The following KLF5 variants were observed in gnomAD, a reference collection of about 807,000 sequenced individuals.
The protein encoded by KLF5 is Krueppel-like factor 5.
In KLF5, 9 loss-of-function variants were observed where a neutral mutation model predicts 36.9. The observed-to-expected ratio is 0.24, with a 90% confidence interval of 0.15 to 0.43. The LOEUF is 0.43. KLF5 is among the 20% of genes least tolerant of loss of function. The probability of loss-of-function intolerance (pLI) is 1.00; values close to 1 mark genes in which losing one functional copy is unlikely to be tolerated. For synonymous variants in KLF5, 246 were observed against 241.7 expected (o/e 1.02, Z -0.17); for missense variants, 524 against 599.5 (o/e 0.87, Z 1.31).
Position 73,059,431 on chromosome 13 carries a change from G to C in KLF5, c.104G>C (p.Gly35Ala), listed in dbSNP as rs1238422333. 6.1e-6 allele frequency: 8 copies of C among 1,307,002 alleles called. No individual in the cohort carries two copies. The highest frequency in any genetic ancestry group is 7.8e-6 in the Non-Finnish European group (8 of 1,028,238). The allele number at this position is 1,307,002 out of a possible 1,614,324, so 81.0% of individuals were successfully genotyped here. A position where few individuals can be genotyped will look rare whatever the true frequency, so the allele number is the denominator to read the frequency against. ...PVFAQLKPVLGAANPARDAAL... is the reference protein window; with the variant it reads ...PVFAQLKPVLAAANPARDAAL... ...TTCGCGCAGCTCAAGCCGGTGCTGG[G>C]CGCCGCGAATCCGGCCCGCGACGCG... Residue 35 changes from glycine to alanine, a missense_variant, in exon 1 of 4, where the codon GGC (glycine) becomes GCC (alanine). By Grantham distance (60) the Gly-to-Ala change is moderately conservative. This residue lies in a region of KLF5 where 454 missense variants were observed against 458.1 expected (regional missense o/e 0.99). Transcript: ENST00000377687.
chr13:73,061,727 T>C, intron 1 of KLF5, 134 bp from the exon 2 acceptor site: 2 of 746,838 alleles, frequency 2.7e-6, no homozygotes, highest in Non-Finnish European at 4.5e-6. Context: ...CTGATATGTT[T>C]ATAAGCAACA....
At position 73,076,508 on chromosome 13, in the gene KLF5, C is replaced by T. The variant is rs1011902142; in HGVS notation, c.*622C>T. ...ATTCTTTTGGGGAAGAGTCATAATT[C>T]TTTTGAAAATAACCATGAATACACT... On this transcript the variant is annotated 3_prime_UTR_variant, in exon 4 of 4. Transcript: ENST00000377687. 4 of 152,514 alleles carry T rather than the reference C, an allele frequency of 2.6e-5. No homozygotes were observed. The highest frequency in any genetic ancestry group is 1.3e-4 in the Admixed American group (2 of 15,262). The allele number at this position is 152,514 out of a possible 1,614,324, so 9.4% of individuals were successfully genotyped here.
intron 3 of KLF5, among the ~76,000 whole-genome samples, chr13:73,067,635 G>A (rs181916903): frequency 8.0e-4 from 122 of 152,042 alleles, no homozygotes; most frequent in African/African-American, 2.8e-3. Context: ...CAAGAAATTA[G>A]CATTTGTACA....
At chr13:73,071,530 T>C (rs1426243352) in intron 3 of KLF5, among the ~76,000 whole-genome samples, 2 of 151,964 alleles carry the variant, frequency 1.3e-5, no homozygotes, top group Non-Finnish European at 2.9e-5. Context: ...ATTAGTGAGC[T>C]AAAATCATCC....
intron 3 of KLF5, among the ~76,000 whole-genome samples, 168 bp downstream of exon 3, chr13:73,064,051 A>G (rs1260471828): frequency 1.4e-5 from 2 of 146,790 alleles, no homozygotes; most frequent in Admixed American, 1.4e-4. Flanking sequence ...ATTCAGTTCC[A>G]TGAGAAATCT....
At chr13:73,059,647 C>T (rs1235458381) in intron 1 of KLF5, 59 bp downstream of exon 1, 5 of 1,110,888 alleles carry the variant, frequency 4.5e-6, no homozygotes, top group African/African-American at 1.7e-5. Context: ...TGTCCCGTTG[C>T]TGCGACTCGC....
upstream of KLF5, among the ~76,000 whole-genome samples, chr13:73,057,739 G>T (rs2044591860): frequency 6.6e-6 from 1 of 152,124 alleles, no homozygotes; most frequent in African/African-American, 2.4e-5. Flanking sequence ...ATGTAAAACT[G>T]TCTAATGGTA....
chr13:73,069,559 A>AT lies in KLF5; in HGVS notation c.1195+5685dup, dbSNP rs200901431. Among the ~76,000 whole-genome samples, 62 of 151,422 alleles carry AT rather than the reference A, an allele frequency of 4.1e-4. 1 individual carries two copies. The South Asian group carries it at 0.013, about 31-fold the overall frequency. On this transcript the variant is annotated intron_variant, in intron 3 of 3. Transcript: ENST00000377687. ...TTTTGTGTATTGATAATTTCAAACA[A>AT]TTTTTTTTTAAAGTAGTAGCTTAAG...
intron 3 of KLF5, among the ~76,000 whole-genome samples, chr13:73,067,807 T>C (rs994805167): frequency 5.3e-5 from 8 of 151,860 alleles, no homozygotes; most frequent in African/African-American, 1.9e-4. Flanking sequence ...ATGGAAACAT[T>C]GTACAAATAA....
intron 3 of KLF5, among the ~76,000 whole-genome samples, chr13:73,066,705 A>G (rs944076900): frequency 1.3e-5 from 2 of 152,200 alleles, no homozygotes; most frequent in African/African-American, 4.8e-5. Context: ...AACCTAAGCA[A>G]ATAATAGTCT....
At chr13:73,058,144 T>C (rs192193331), upstream of KLF5, among the ~76,000 whole-genome samples, 688 of 152,354 alleles carry the variant, frequency 4.5e-3, 2 homozygotes, top group Admixed American at 0.01. Flanking sequence ...AGATGTAATG[T>C]CTATTTAAAT....
chr13:73,061,785 A>G, intron 1 of KLF5, 76 bp from the exon 2 acceptor site: 1 of 1,408,418 alleles, frequency 7.1e-7, no homozygotes, highest in Non-Finnish European at 9.8e-7. Flanking sequence ...GGGAATTTTT[A>G]GTAGGCGCCG....
intron 3 of KLF5, among the ~76,000 whole-genome samples, chr13:73,068,234 G>A (rs1187016071): frequency 1.3e-5 from 2 of 152,184 alleles, no homozygotes; most frequent in African/African-American, 4.8e-5. Context: ...TGGAAGCCTA[G>A]TTTGTAAAGG....
chr13:73,074,944 A>G (rs2139119566), intron 3 of KLF5: 1 of 152,352 alleles, frequency 6.6e-6, no homozygotes, highest in Middle Eastern at 3.4e-3. Context: ...AACACATGAC[A>G]AAGAAAAACT....
intron 1 of KLF5, chr13:73,060,656 A>C (rs1329313626): frequency 6.6e-6 from 1 of 152,240 alleles, no homozygotes; most frequent in East Asian, 1.9e-4. Context: ...GTCCGCATCC[A>C]CACCAAGGTC....
At chr13:73,055,677 CAG>C (rs1390927338), upstream of KLF5, among the ~76,000 whole-genome samples, 3 of 152,256 alleles carry the variant, frequency 2.0e-5, no homozygotes, top group South Asian at 2.1e-4. Context: ...CAGATTCTAA[CAG>C]GGGTGTGCAA....
chr13:73,067,761 G>A (rs2044690734), intron 3 of KLF5, among the ~76,000 whole-genome samples: 2 of 151,930 alleles, frequency 1.3e-5, no homozygotes, highest in Admixed American at 6.6e-5. Flanking sequence ...GATTGACAAT[G>A]GAAAAGGACA....
upstream of KLF5, among the ~76,000 whole-genome samples, chr13:73,055,607 C>T (rs1161271599): frequency 2.0e-5 from 3 of 152,042 alleles, no homozygotes; most frequent in African/African-American, 7.3e-5. Context: ...AATACAAAGA[C>T]TACAGATGTG....
intron 3 of KLF5, among the ~76,000 whole-genome samples, chr13:73,074,393 A>AT (rs1055605462): frequency 6.6e-6 from 1 of 151,902 alleles, no homozygotes; most frequent in Non-Finnish European, 1.5e-5. Context: ...AGAAGGAAAC[A>AT]TTTTTTTAAG....
Sources: gnomAD v4.1 joint callset for allele counts (sites outside exome capture counted in the v4.1 genomes callset) on GRCh38, gnomAD v4.1.1 for gene constraint, gnomAD v4.1.1 regional missense constraint, MANE v1.5 for transcripts, NCBI Gene and HGNC (gene_info 2026-07-23, HGNC 2026-07-21) for gene names.